ROBO1: variants seen among roughly 807,000 people sequenced by gnomAD.
The protein encoded by ROBO1 is roundabout guidance receptor 1.
Under a neutral mutation model 195.9 loss-of-function variants are expected in ROBO1, and 149 were observed. That is an observed-to-expected ratio of 0.76 (90% CI 0.67 to 0.87). The LOEUF (loss-of-function observed/expected upper bound fraction) is 0.87, where lower values mean the gene tolerates loss of function less well. Among genes scored for constraint, ROBO1 ranks in the 40% least tolerant of loss-of-function variants. The pLI, the probability that ROBO1 is intolerant of heterozygous loss-of-function variation, is 0.00. For missense variants in ROBO1, 1,933 were observed against 2,068.3 expected (o/e 0.93, Z 1.27); for synonymous variants, 816 against 733.2 (o/e 1.11, Z -1.82).
chr3:79,688,716 A>G (rs1025846693), intron 1 of ROBO1, among the ~76,000 whole-genome samples: 2 of 152,072 alleles, frequency 1.3e-5, no homozygotes, highest in African/African-American at 4.8e-5. Context: ...TCAAATCAAA[A>G]CTATCGCCTG....
chr3:79,032,529 G>A (rs2078314317), intron 3 of ROBO1, among the ~76,000 whole-genome samples: 1 of 151,960 alleles, frequency 6.6e-6, no homozygotes. Flanking sequence ...TTTTAGCTCA[G>A]ATAATTCACT....
intron 1 of ROBO1, among the ~76,000 whole-genome samples, chr3:79,731,338 A>G (rs921969846): frequency 1.3e-5 from 2 of 152,196 alleles, no homozygotes; most frequent in Non-Finnish European, 2.9e-5. Context: ...GGTCTGCATC[A>G]GAATCATCTG....
chr3:79,500,119 C>CTTTTT (rs57887981), intron 2 of ROBO1, among the ~76,000 whole-genome samples: 3 of 72,500 alleles, frequency 4.1e-5, no homozygotes, highest in Admixed American at 1.9e-4. Flanking sequence ...TAAGTTTTCT[C>CTTTTT]TTTTTTTTTT....
intron 1 of ROBO1, among the ~76,000 whole-genome samples, chr3:79,728,407 A>C (rs1703011511): frequency 6.6e-6 from 1 of 152,148 alleles, no homozygotes; most frequent in Admixed American, 6.5e-5. Context: ...AAAAAGTTCT[A>C]CATTAATTTC....
At chr3:79,618,749 A>C (rs1944905069) in intron 1 of ROBO1, among the ~76,000 whole-genome samples, 1 of 152,114 alleles carries the variant, frequency 6.6e-6, no homozygotes, top group African/African-American at 2.4e-5. Context: ...CTCCATGAGG[A>C]GATCCACCTA....
chr3:79,613,268 G>T (rs1169306097), intron 1 of ROBO1, among the ~76,000 whole-genome samples: 1 of 151,820 alleles, frequency 6.6e-6, no homozygotes, highest in Non-Finnish European at 1.5e-5. Context: ...TTTGTCTACT[G>T]GTTTTTAATA....
intron 1 of ROBO1, among the ~76,000 whole-genome samples, chr3:79,645,518 A>G (rs9818688): frequency 2.0e-5 from 3 of 152,028 alleles, no homozygotes; most frequent in Non-Finnish European, 4.4e-5. Context: ...AAATAAATAA[A>G]TAATTAATAT....
At chr3:78,924,683 C>T (rs1228842366) in intron 4 of ROBO1, among the ~76,000 whole-genome samples, 2 of 151,620 alleles carry the variant, frequency 1.3e-5, no homozygotes, top group Non-Finnish European at 2.9e-5. Flanking sequence ...TTTTTCCTAC[C>T]TCCCCTAAGT....
At chr3:79,431,061 G>T (rs1177790760) in intron 2 of ROBO1, among the ~76,000 whole-genome samples, 1 of 152,044 alleles carries the variant, frequency 6.6e-6, no homozygotes, top group Non-Finnish European at 1.5e-5. Flanking sequence ...AGGAGGTAGT[G>T]GTTATTATTC....
At chr3:79,591,433 G>A (rs1480066196) in intron 1 of ROBO1, among the ~76,000 whole-genome samples, 2 of 151,760 alleles carry the variant, frequency 1.3e-5, no homozygotes, top group Admixed American at 1.3e-4. Context: ...GATATTTGGA[G>A]ATTATTTCCT....
chr3:78,704,019 TG>T (rs558787559), intron 8 of ROBO1, among the ~76,000 whole-genome samples: 1 of 151,866 alleles, frequency 6.6e-6, no homozygotes, highest in Non-Finnish European at 1.5e-5. Context: ...AATAAAGCCT[TG>T]GGGGGGTCTC....
chr3:79,513,445 A>C (rs1200215382), intron 2 of ROBO1, among the ~76,000 whole-genome samples: 1 of 152,112 alleles, frequency 6.6e-6, no homozygotes, highest in African/African-American at 2.4e-5. Context: ...TCAGATGATT[A>C]CCATGAACTC....
At chr3:78,858,773 G>A (rs1438034736) in intron 4 of ROBO1, among the ~76,000 whole-genome samples, 3 of 35,594 alleles carry the variant, frequency 8.4e-5, no homozygotes, top group South Asian at 2.2e-3. Flanking sequence ...CCCACCCCCC[G>A]CCAGAAAACA....
chr3:79,419,397 T>C (rs78878360), intron 2 of ROBO1, among the ~76,000 whole-genome samples: 2 of 152,188 alleles, frequency 1.3e-5, no homozygotes, highest in East Asian at 1.9e-4. Context: ...CAGAAAGTGA[T>C]GAGTCAGTTT....
chr3:79,240,286 T>C (rs1309684238), intron 2 of ROBO1, among the ~76,000 whole-genome samples: 1 of 152,220 alleles, frequency 6.6e-6, no homozygotes, highest in African/African-American at 2.4e-5. Context: ...TTCACCTACG[T>C]TGTTGCAAAT....
intron 4 of ROBO1, among the ~76,000 whole-genome samples, chr3:78,910,873 A>G (rs2038203526): frequency 1.3e-5 from 2 of 151,996 alleles, no homozygotes; most frequent in African/African-American, 4.8e-5. Flanking sequence ...AACCAGCTAC[A>G]TGGGCAATAC....
chr3:78,885,659 T>A (rs566454128), intron 4 of ROBO1, among the ~76,000 whole-genome samples: 1 of 150,962 alleles, frequency 6.6e-6, no homozygotes, highest in East Asian at 1.9e-4. Flanking sequence ...CTCACAACTA[T>A]ATGAGGTAGA....
intron 2 of ROBO1, among the ~76,000 whole-genome samples, chr3:79,550,107 A>G (rs1942421956): frequency 6.6e-6 from 1 of 150,882 alleles, no homozygotes; most frequent in Non-Finnish European, 1.5e-5. Flanking sequence ...CCTGGGTGAC[A>G]GAGCAAGACT....
At chr3:79,176,988 C>T (rs145946603) in intron 2 of ROBO1, among the ~76,000 whole-genome samples, 52 of 152,092 alleles carry the variant, frequency 3.4e-4, no homozygotes, top group African/African-American at 1.0e-3. Flanking sequence ...TACAAAATAA[C>T]GGCAAGACAA....
Sources: allele counts gnomAD v4.1 joint callset (sites outside exome capture counted in the v4.1 genomes callset), GRCh38; gene constraint gnomAD v4.1.1; transcripts MANE v1.5; gene names NCBI Gene and HGNC (gene_info 2026-07-23, HGNC 2026-07-21).